Variants in KIF16B observed in about 807,000 individuals in gnomAD.
KIF16B encodes kinesin family member 16B, also known as kinesin-like protein KIF16B.
Under a neutral mutation model 156.3 loss-of-function variants are expected in KIF16B, and 98 were observed. The observed-to-expected ratio is 0.63, with a 90% CI of 0.53 to 0.74. KIF16B has a LOEUF of 0.74. Ranked by LOEUF, KIF16B falls within the 30% of genes least tolerant of loss-of-function variation. KIF16B has a pLI of 0.00. For synonymous variants in KIF16B, 564 were observed against 583.7 expected (o/e 0.97, Z 0.49); for missense variants, 1,421 against 1,606.5 (o/e 0.88, Z 1.97).
chr20:16,453,105 CAA>C (rs35303077), intron 12 of KIF16B, among the ~76,000 whole-genome samples: 10 of 137,234 alleles, frequency 7.3e-5, no homozygotes, highest in Admixed American at 1.4e-4. Flanking sequence ...CTATCTTTAC[CAA>C]AAAAAAAAAA....
intron 12 of KIF16B, among the ~76,000 whole-genome samples, chr20:16,480,082 C>A (rs2067936963): frequency 6.6e-6 from 1 of 152,130 alleles, no homozygotes; most frequent in Non-Finnish European, 1.5e-5. Flanking sequence ...TATGGGTGTG[C>A]TTAGTTCCTG....
chr20:16,427,464 C>T (rs929537667), intron 14 of KIF16B, among the ~76,000 whole-genome samples: 1 of 152,058 alleles, frequency 6.6e-6, no homozygotes, highest in Non-Finnish European at 1.5e-5. Flanking sequence ...TTCAAGGGAT[C>T]TGGACATTAC....
intron 12 of KIF16B, among the ~76,000 whole-genome samples, chr20:16,454,998 G>T (rs890470536): frequency 6.6e-6 from 1 of 152,146 alleles, no homozygotes; most frequent in Non-Finnish European, 1.5e-5. Flanking sequence ...TTACAAGTTT[G>T]TATAGGGACA....
intron 25 of KIF16B, among the ~76,000 whole-genome samples, chr20:16,286,306 A>C (rs1457193772): frequency 6.6e-6 from 1 of 152,168 alleles, no homozygotes; most frequent in Non-Finnish European, 1.5e-5. Context: ...GTGCCTTTTA[A>C]ATTTTGATAG....
intron 25 of KIF16B, among the ~76,000 whole-genome samples, chr20:16,277,474 T>TAC (rs2063080406): frequency 1.3e-5 from 2 of 148,294 alleles, no homozygotes; most frequent in African/African-American, 2.5e-5. Context: ...TATATATATA[T>TAC]ATATAAAATA....
intron 1 of KIF16B, among the ~76,000 whole-genome samples, chr20:16,553,952 A>G (rs2070756440): frequency 6.6e-6 from 1 of 152,202 alleles, no homozygotes; most frequent in African/African-American, 2.4e-5. Context: ...CAGCCACTTC[A>G]GCCCCCTCCA....
intron 1 of KIF16B, among the ~76,000 whole-genome samples, chr20:16,534,075 T>C (rs1378042916): frequency 6.6e-6 from 1 of 152,204 alleles, no homozygotes; most frequent in Admixed American, 6.5e-5. Flanking sequence ...CTGGCCAACA[T>C]GGCGAAACCC....
At chr20:16,506,929 T>C (rs1270879916) in intron 7 of KIF16B, among the ~76,000 whole-genome samples, 1 of 142,446 alleles carries the variant, frequency 7.0e-6, no homozygotes, top group Non-Finnish European at 1.6e-5. Context: ...ACACCATCTC[T>C]AGAAAAAACT....
intron 12 of KIF16B, among the ~76,000 whole-genome samples, chr20:16,463,934 T>C (rs1315736709): frequency 1.3e-5 from 2 of 152,162 alleles, no homozygotes; most frequent in East Asian, 3.8e-4. Flanking sequence ...GCTAAAGCAA[T>C]TCTCCTTTCA....
intron 24 of KIF16B, among the ~76,000 whole-genome samples, chr20:16,314,107 G>T (rs964665679): frequency 1.2e-4 from 19 of 152,178 alleles, no homozygotes; most frequent in African/African-American, 4.6e-4. Context: ...TTGGTACAGT[G>T]GTCGTCCTTC....
intron 25 of KIF16B, among the ~76,000 whole-genome samples, chr20:16,305,405 T>C (rs1007807928): frequency 8.5e-5 from 13 of 152,226 alleles, no homozygotes; most frequent in African/African-American, 2.7e-4. Flanking sequence ...TTATCAACCA[T>C]ACTTTTTATT....
At chr20:16,525,573 A>T (rs960702838) in intron 3 of KIF16B, among the ~76,000 whole-genome samples, 3 of 152,206 alleles carry the variant, frequency 2.0e-5, no homozygotes, top group Non-Finnish European at 4.4e-5. Flanking sequence ...TACAGGCAAG[A>T]TTTCTTGGAC....
At position 16,513,058 on chromosome 20, in the gene KIF16B, T is replaced by C. The variant is rs1600589288; in HGVS notation, c.349-135A>G. The C allele has an allele frequency of 1.3e-5, 8 of 630,682 alleles. No homozygotes were observed. In the East Asian group the frequency reaches 2.2e-4, roughly 17 times the overall value. 39.1% of individuals were successfully genotyped at this position (630,682 alleles called of 1,614,324 possible). ...CCCTGGCCTACCACAGCCCACGCCA[T>C]ATACCCCCTCCAGGGCTGCTTTCTA... On this transcript the variant is annotated intron_variant, in intron 4 of 25. Coordinates refer to ENST00000354981, the MANE Select transcript of KIF16B (RefSeq NM_024704.5).
At chr20:16,467,944 T>C (rs2067542506) in intron 12 of KIF16B, among the ~76,000 whole-genome samples, 1 of 152,014 alleles carries the variant, frequency 6.6e-6, no homozygotes, top group African/African-American at 2.4e-5. Context: ...GCAGAAAAAG[T>C]GTGGAAGACA....
chr20:16,419,915 A>C (rs935023747), intron 15 of KIF16B, among the ~76,000 whole-genome samples: 4 of 152,180 alleles, frequency 2.6e-5, no homozygotes, highest in African/African-American at 9.6e-5. Context: ...AGAGGAGCTC[A>C]AGTTTTATGG....
chr20:16,563,090 ATGAC>A (rs2071126348), intron 1 of KIF16B, among the ~76,000 whole-genome samples: 1 of 152,252 alleles, frequency 6.6e-6, no homozygotes, highest in Non-Finnish European at 1.5e-5. Context: ...CTATAAATAA[ATGAC>A]TGATCACAGA....
intron 23 of KIF16B, among the ~76,000 whole-genome samples, chr20:16,349,246 AC>A (rs1395499160): frequency 6.6e-6 from 1 of 152,204 alleles, no homozygotes; most frequent in Non-Finnish European, 1.5e-5. Context: ...GTCAGATAGA[AC>A]ACCCGGCCCA....
intron 1 of KIF16B, among the ~76,000 whole-genome samples, chr20:16,530,201 T>C (rs1419451592): frequency 6.6e-6 from 1 of 152,136 alleles, no homozygotes. Context: ...CACAGGTCAC[T>C]AGGGCTGTGG....
In KIF16B at chr20:16,379,208, C is replaced by G. The variant is rs774131987; in HGVS notation, c.2794G>C (p.Asp932His). The G allele has an allele frequency of 6.2e-7, 1 of 1,614,140 alleles. No individual in the cohort carries two copies. Among genetic ancestry groups the G allele is most frequent in the Non-Finnish European group, 8.5e-7 (1 of 1,180,020 alleles). Residue 932 changes from aspartate (D) to histidine (H), a missense_variant, in exon 19 of 26, where the codon GAC (aspartate) becomes CAC (histidine). Transcript: ENST00000354981. Reference protein sequence around the residue: ...EEKQRAFEILDRGPLSLDNTL... With the variant: ...EEKQRAFEILHRGPLSLDNTL... ...TTGTCTAAGCTGAGAGGGCCTCTGT[C>G]AAGAATTTCAAATGCTCTCTGCTTT...
Sources: gnomAD v4.1 joint callset for allele counts (sites outside exome capture counted in the v4.1 genomes callset) on GRCh38, gnomAD v4.1.1 for gene constraint, MANE v1.5 for transcripts, NCBI Gene and HGNC (gene_info 2026-07-23, HGNC 2026-07-21) for gene names.